CAST: variants seen among roughly 807,000 people sequenced by gnomAD.
The protein encoded by CAST is MIR583 host.
A neutral mutation model predicts 119.6 loss-of-function variants in CAST; 76 were observed. The observed-to-expected ratio is 0.64, with a 90% confidence interval of 0.53 to 0.77. CAST has a LOEUF of 0.77. Ranked by LOEUF, CAST falls within the 30% of genes least tolerant of loss-of-function variation. CAST has a pLI of 0.00. For synonymous variants in CAST, 319 were observed against 331.6 expected (o/e 0.96, Z 0.41); for missense variants, 953 against 946.5 (o/e 1.01, Z -0.09).
At chr5:96,363,425 C>A in the CAST span, among the ~76,000 whole-genome samples, 30 of 152,044 alleles carry the variant, frequency 2.0e-4, no homozygotes, top group African/African-American at 7.0e-4. Context: ...TTACCTTGGG[C>A]AGTATGGCCA....
At chr5:96,755,917 G>A (rs1167114271) in intron 22 of CAST, among the ~76,000 whole-genome samples, 1 of 152,184 alleles carries the variant, frequency 6.6e-6, no homozygotes, top group Admixed American at 6.5e-5. Context: ...GTAGAGGCTG[G>A]TCAAGTGCAG....
the CAST span, among the ~76,000 whole-genome samples, chr5:96,295,039 C>T: frequency 6.6e-6 from 1 of 152,146 alleles, no homozygotes; most frequent in African/African-American, 2.4e-5. Context: ...GTGGATCATT[C>T]ACTACAAAGG....
At chr5:96,293,432 C>A in the CAST span, among the ~76,000 whole-genome samples, 345 of 152,166 alleles carry the variant, frequency 2.3e-3, 3 homozygotes, top group South Asian at 0.016. Flanking sequence ...CACCCACCAC[C>A]ACGCCCCGGC....
the CAST span, among the ~76,000 whole-genome samples, chr5:96,143,872 T>C: frequency 8.5e-5 from 13 of 152,226 alleles, no homozygotes; most frequent in Admixed American, 7.9e-4. Context: ...CTTATTGAAA[T>C]GTTATTTTTA....
At chr5:96,152,715 A>G in the CAST span, among the ~76,000 whole-genome samples, 2 of 152,350 alleles carry the variant, frequency 1.3e-5, no homozygotes, top group Admixed American at 1.3e-4. Context: ...TCCCAGTAAC[A>G]CATGCTCAAC....
chr5:96,200,764 G>A, the CAST span, among the ~76,000 whole-genome samples: 1 of 152,022 alleles, frequency 6.6e-6, no homozygotes, highest in Non-Finnish European at 1.5e-5. Context: ...CTGTGGCTTA[G>A]TTTCCTTACT....
At chr5:96,458,080 G>A in the CAST span, among the ~76,000 whole-genome samples, 3 of 152,026 alleles carry the variant, frequency 2.0e-5, no homozygotes, top group South Asian at 2.1e-4. Context: ...GGAAACTATG[G>A]CTCCAGGACC....
At chr5:96,689,796 G>A (rs1752512465) in intron 2 of CAST, among the ~76,000 whole-genome samples, 1 of 152,084 alleles carries the variant, frequency 6.6e-6, no homozygotes. Context: ...ATAGATGGAG[G>A]CCAACTCCAT....
At chr5:96,528,575 T>A (rs1745636175), upstream of CAST, among the ~76,000 whole-genome samples, 1 of 152,204 alleles carries the variant, frequency 6.6e-6, no homozygotes, top group Non-Finnish European at 1.5e-5. Context: ...CAAGAATAGA[T>A]GCCCACCCCA....
chr5:96,623,155 C>A (rs1247197043), intron 1 of CAST, among the ~76,000 whole-genome samples: 1 of 152,116 alleles, frequency 6.6e-6, no homozygotes, highest in Non-Finnish European at 1.5e-5. Flanking sequence ...TGAGCCACTG[C>A]ACCCAGCCTA....
chr5:96,767,281 G>T (rs1263542119), intron 27 of CAST, among the ~76,000 whole-genome samples, 157 bp from the exon 28 acceptor site: 1 of 152,172 alleles, frequency 6.6e-6, no homozygotes, highest in Non-Finnish European at 1.5e-5. Context: ...AGCAAAGCTG[G>T]TAAAGAAATA....
At chr5:96,477,304 G>A in the CAST span, among the ~76,000 whole-genome samples, 21,140 of 128,214 alleles carry the variant, frequency 0.16, 1,525 homozygotes, top group Middle Eastern at 0.21. Context: ...GCACGCACGC[G>A]TGCACACACA....
At chr5:96,765,665 C>G (rs900959442) in intron 26 of CAST, among the ~76,000 whole-genome samples, 1 of 152,066 alleles carries the variant, frequency 6.6e-6, no homozygotes, top group Non-Finnish European at 1.5e-5. Context: ...TAAATGTGAC[C>G]TCTCTAAATG....
intron 1 of CAST, among the ~76,000 whole-genome samples, chr5:96,609,149 T>C (rs1448846011): frequency 6.6e-6 from 1 of 152,234 alleles, no homozygotes; most frequent in Non-Finnish European, 1.5e-5. Context: ...AACAATTATG[T>C]AATCCTCATC....
At chr5:96,669,410 A>G (rs1461207018) in intron 1 of CAST, among the ~76,000 whole-genome samples, 1 of 152,226 alleles carries the variant, frequency 6.6e-6, no homozygotes, top group East Asian at 1.9e-4. Flanking sequence ...GAATGTTTAT[A>G]GGTTTGTGGG....
At chr5:96,113,677 G>C in the CAST span, among the ~76,000 whole-genome samples, 1 of 152,250 alleles carries the variant, frequency 6.6e-6, no homozygotes, top group Non-Finnish European at 1.5e-5. Flanking sequence ...AGCCTTGGCA[G>C]CTGGTTGTAC....
intron 27 of CAST, among the ~76,000 whole-genome samples, chr5:96,767,144 G>T (rs1770291787): frequency 6.6e-6 from 1 of 152,196 alleles, no homozygotes; most frequent in Non-Finnish European, 1.5e-5. Flanking sequence ...AACACTTTAA[G>T]TAGAATTATA....
chr5:96,107,562 T>C, the CAST span, among the ~76,000 whole-genome samples: 2 of 152,328 alleles, frequency 1.3e-5, no homozygotes, highest in Non-Finnish European at 1.5e-5. Context: ...CCCACTCTCT[T>C]CTGGCTTGTA....
the CAST span, among the ~76,000 whole-genome samples, chr5:96,280,843 AACTGGT>A: frequency 6.6e-6 from 1 of 151,846 alleles, no homozygotes; most frequent in Non-Finnish European, 1.5e-5. Context: ...TCCTACTCCT[AACTGGT>A]CTCTGCGATT....
Sources: allele counts gnomAD v4.1 joint callset (sites outside exome capture counted in the v4.1 genomes callset), GRCh38; gene constraint gnomAD v4.1.1; transcripts MANE v1.5; gene names NCBI Gene and HGNC (gene_info 2026-07-23, HGNC 2026-07-21).